Variants in PSMA1 observed in about 807,000 individuals in gnomAD.
PSMA1 encodes the protein proteasome 20S subunit alpha 1.
PSMA1 carries 3 observed loss-of-function variants against 38.4 expected under a neutral mutation model. The ratio of observed to expected loss-of-function variants is 0.08; its 90% CI spans 0.04 to 0.20. The LOEUF is 0.20. Ranked by LOEUF, PSMA1 falls within the 10% of genes least tolerant of loss-of-function variation. PSMA1 has a pLI of 1.00. For missense variants in PSMA1, 227 were observed against 325.3 expected (o/e 0.70, Z 2.32); for synonymous variants, 101 against 107.1 (o/e 0.94, Z 0.35).
intron 2 of PSMA1, among the ~76,000 whole-genome samples, chr11:14,592,396 T>TA (rs1565052920): frequency 3.1e-5 from 4 of 127,632 alleles, no homozygotes; most frequent in East Asian, 2.4e-4. Flanking sequence ...ATATATATAT[T>TA]TTTTTTTTAG....
upstream of PSMA1, among the ~76,000 whole-genome samples, chr11:14,524,477 C>G (rs895695834): frequency 1.3e-5 from 2 of 152,164 alleles, no homozygotes; most frequent in Non-Finnish European, 2.9e-5. Flanking sequence ...TCTCCCCACC[C>G]TTGAGAATGT....
At position 14,612,410 on chromosome 11, in the gene PSMA1, ATATATG is replaced by A. The variant is rs1221030493; in HGVS notation, c.-165-1265_-165-1260del. ...CTTTCCTTCAATTGAAAGTATGATC[ATATATG>A]TATTATCGTGTACAATATATCTATA... On this transcript the variant is annotated intron_variant, in intron 1 of 10. Coordinates refer to the PSMA1 transcript ENST00000418988. Among the ~76,000 whole-genome samples the A allele has an allele frequency of 2.3e-4, 35 of 152,348 alleles. 1 individual carries two copies. Among genetic ancestry groups the A allele is most frequent in the Non-Finnish European group, 8.8e-5 (6 of 68,028 alleles).
chr11:14,626,980 A>G (rs948558893), intron 1 of PSMA1, among the ~76,000 whole-genome samples: 4 of 152,202 alleles, frequency 2.6e-5, no homozygotes, highest in African/African-American at 9.6e-5. Flanking sequence ...AGGTGCTGGC[A>G]CGGTTGGTTT....
At chr11:14,617,029 G>A (rs1287861658) in intron 1 of PSMA1, among the ~76,000 whole-genome samples, 1 of 152,224 alleles carries the variant, frequency 6.6e-6, no homozygotes, top group African/African-American at 2.4e-5. Context: ...CATGAAGCCA[G>A]TCTGTGAAAA....
In PSMA1 at chr11:14,519,282, C is replaced by T. The variant is rs968010530; in HGVS notation, c.4-241G>A. 45 of 563,434 alleles carry T rather than the reference C, an allele frequency of 8.0e-5. 1 individual carries two copies. Among genetic ancestry groups the T allele is most frequent in the Non-Finnish European group, 1.4e-4 (41 of 297,238 alleles). The allele number at this position is 563,434 out of a possible 1,614,324, so 34.9% of individuals were successfully genotyped here. A position where few individuals can be genotyped will look rare whatever the true frequency, so the allele number is the denominator to read the frequency against. On this transcript the variant is annotated intron_variant, in intron 1 of 9. Transcript: ENST00000396394. ...TTTTTCCAAACTCTTATTCTAACACCCTCCATATCAACCCCTTTAGGCTCA... is the reference window on the plus strand; with the variant it reads ...TTTTTCCAAACTCTTATTCTAACACTCTCCATATCAACCCCTTTAGGCTCA...
chr11:14,539,298 G>T (rs1320000414), intron 2 of PSMA1, among the ~76,000 whole-genome samples: 25 of 152,088 alleles, frequency 1.6e-4, no homozygotes, highest in Non-Finnish European at 2.2e-4. Flanking sequence ...TCTTAGTTCT[G>T]CAGTCACTGT....
intron 9 of PSMA1, among the ~76,000 whole-genome samples, chr11:14,507,272 G>A (rs1418441099): frequency 3.3e-5 from 5 of 151,940 alleles, no homozygotes; most frequent in Admixed American, 1.3e-4. Context: ...GGGTTCAAGC[G>A]ATTCTCCTGC....
intron 1 of PSMA1, among the ~76,000 whole-genome samples, chr11:14,638,907 C>G (rs959555064): frequency 6.6e-6 from 1 of 151,668 alleles, no homozygotes; most frequent in Non-Finnish European, 1.5e-5. Flanking sequence ...AACAAGAAAA[C>G]TTGGAAAGAG....
intron 1 of PSMA1, among the ~76,000 whole-genome samples, chr11:14,626,487 A>G (rs529560347): frequency 1.3e-5 from 2 of 152,344 alleles, no homozygotes; most frequent in Admixed American, 1.3e-4. Context: ...AAAGAAAGAC[A>G]TATCCTTAGA....
At chr11:14,588,027 C>G (rs1356573513) in intron 2 of PSMA1, among the ~76,000 whole-genome samples, 1 of 152,164 alleles carries the variant, frequency 6.6e-6, no homozygotes, top group African/African-American at 2.4e-5. Context: ...GAAAATACAG[C>G]CCTTGCCTTT....
chr11:14,519,279 C>T, intron 1 of PSMA1: 1 of 571,756 alleles, frequency 1.7e-6, no homozygotes, highest in South Asian at 1.5e-5. Flanking sequence ...CTTATTCTAA[C>T]ACCCTCCATA....
chr11:14,542,862 T>C (rs1295002720), intron 2 of PSMA1, among the ~76,000 whole-genome samples: 1 of 152,208 alleles, frequency 6.6e-6, no homozygotes, highest in South Asian at 2.1e-4. Flanking sequence ...ATGATTTTTT[T>C]CTTTCTTTCT....
At chr11:14,582,882 T>C (rs761990503) in intron 2 of PSMA1, among the ~76,000 whole-genome samples, 16 of 152,162 alleles carry the variant, frequency 1.1e-4, no homozygotes, top group Non-Finnish European at 2.2e-4. Flanking sequence ...GGCAACTGAA[T>C]GTATATCCAA....
chr11:14,520,562 G>A (rs1032934405), upstream of PSMA1: 83 of 1,180,616 alleles, frequency 7.0e-5, no homozygotes, highest in Admixed American at 5.9e-5. Flanking sequence ...AGTGCCGGCG[G>A]CTGAGAGCTG....
upstream of PSMA1, among the ~76,000 whole-genome samples, chr11:14,523,673 T>C (rs1469950430): frequency 6.6e-6 from 1 of 150,844 alleles, no homozygotes; most frequent in Non-Finnish European, 1.5e-5. Flanking sequence ...AGCCTGGACC[T>C]CCTGGGCCCA....
chr11:14,634,006 G>C (rs915335183), intron 1 of PSMA1, among the ~76,000 whole-genome samples: 1 of 152,138 alleles, frequency 6.6e-6, no homozygotes. Flanking sequence ...CTCGTGCACG[G>C]TGTGCACACC....
intron 2 of PSMA1, among the ~76,000 whole-genome samples, chr11:14,560,946 T>A (rs1852000858): frequency 6.6e-6 from 1 of 152,228 alleles, no homozygotes; most frequent in Admixed American, 6.5e-5. Context: ...ACATACGATA[T>A]GCAAGCATAA....
intron 2 of PSMA1, among the ~76,000 whole-genome samples, chr11:14,582,162 TA>T (rs1355214718): frequency 2.6e-5 from 4 of 152,036 alleles, no homozygotes; most frequent in African/African-American, 2.4e-5. Flanking sequence ...CTTCTTTAAT[TA>T]AAAAAAATAC....
chr11:14,612,259 G>C (rs1430620787), intron 1 of PSMA1, among the ~76,000 whole-genome samples: 1 of 152,030 alleles, frequency 6.6e-6, no homozygotes, highest in Non-Finnish European at 1.5e-5. Flanking sequence ...TGCTAACCAT[G>C]GTGTTTAGAA....
Sources: gnomAD v4.1 joint callset for allele counts (sites outside exome capture counted in the v4.1 genomes callset) on GRCh38, gnomAD v4.1.1 for gene constraint, MANE v1.5 for transcripts, NCBI Gene and HGNC (gene_info 2026-07-23, HGNC 2026-07-21) for gene names.